TGFBRAP1: variants seen among roughly 807,000 people sequenced by gnomAD.
TGFBRAP1 encodes transforming growth factor beta receptor associated protein 1, also known as transforming growth factor-beta receptor-associated protein 1.
TGFBRAP1 carries 20 observed loss-of-function variants against 83.2 expected under a neutral mutation model. That is an observed-to-expected ratio of 0.24 (90% CI 0.17 to 0.35). The LOEUF (loss-of-function observed/expected upper bound fraction) is 0.35. Ranked by LOEUF, TGFBRAP1 falls within the 10% of genes least tolerant of loss-of-function variation. The pLI, the probability that TGFBRAP1 is intolerant of heterozygous loss-of-function variation, is 1.00. For synonymous variants in TGFBRAP1, 415 were observed against 459.8 expected, an observed-to-expected ratio of 0.90 and a Z score of 1.25; for missense variants, 950 against 1,099.4, an observed-to-expected ratio of 0.86 and a Z score of 1.92.
intron 4 of TGFBRAP1, among the ~76,000 whole-genome samples, chr2:105,293,360 T>G (rs11687444): frequency 2.9e-4 from 44 of 152,360 alleles, no homozygotes; most frequent in Middle Eastern, 3.4e-3. Flanking sequence ...AAGGCTTGCT[T>G]TCTAAAGTTC....
At chr2:105,284,987 G>T (rs1438869399) in intron 4 of TGFBRAP1, among the ~76,000 whole-genome samples, 15 of 152,148 alleles carry the variant, frequency 9.9e-5, no homozygotes. Context: ...CTTTGTTCTT[G>T]TTACATCCAG....
intron 1 of TGFBRAP1, among the ~76,000 whole-genome samples, chr2:105,312,942 C>T (rs2576756): frequency 0.55 from 83,247 of 151,628 alleles, 23,563 homozygotes; most frequent in East Asian, 0.73. Flanking sequence ...TGAAACCTTG[C>T]TTCTACTAAA....
At chr2:105,310,853 A>G (rs949078388) in intron 1 of TGFBRAP1, among the ~76,000 whole-genome samples, 14 of 152,204 alleles carry the variant, frequency 9.2e-5, no homozygotes, top group African/African-American at 3.4e-4. Flanking sequence ...TGATTAATCA[A>G]TCAGGGTTGT....
At chr2:105,293,555 C>G (rs1055310044) in intron 4 of TGFBRAP1, among the ~76,000 whole-genome samples, 4 of 152,212 alleles carry the variant, frequency 2.6e-5, no homozygotes, top group African/African-American at 7.2e-5. Context: ...CCTCTCCCTT[C>G]CTGGTTTCTC....
chr2:105,271,827 G>A (rs1025547378), intron 10 of TGFBRAP1, among the ~76,000 whole-genome samples: 4 of 152,178 alleles, frequency 2.6e-5, no homozygotes, highest in African/African-American at 7.2e-5. Flanking sequence ...GGTCATTTAC[G>A]ACAAGCACAG....
At position 105,280,619 on chromosome 2, in the gene TGFBRAP1, T is replaced by C. The variant is rs771291315; in HGVS notation, c.1226A>G (p.Asp409Gly). Residue 409 changes from aspartate (D) to glycine (G), a missense_variant, in exon 6 of 12, where the codon GAC (aspartate) becomes GGC (glycine). Transcript: ENST00000393359. ...RSHPPLHEYADLNQLTQGDQE... is the reference protein window; with the variant it reads ...RSHPPLHEYAGLNQLTQGDQE... Reference sequence around the variant, plus strand: ...GTCCCCCTGGGTCAGCTGGTTCAGGTCTGCGTACTCATGAAGAGGAGGGTG... The same window carrying C: ...GTCCCCCTGGGTCAGCTGGTTCAGGCCTGCGTACTCATGAAGAGGAGGGTG... 9.3e-6 allele frequency: 15 copies of C among 1,614,068 alleles called. No individual in the cohort carries two copies. The highest frequency in any genetic ancestry group is 1.3e-5 in the Non-Finnish European group (15 of 1,179,998).
Position 105,265,527 on chromosome 2 carries a change from A to AG in TGFBRAP1, c.*1855dup, listed in dbSNP as rs1676899860. The stretch of plus-strand genomic sequence containing the variant: ...AAGATTTTACCCATTTTGTGTACAG[A>AG]GAAATAAGCTTTTAATGGCGCAATG... On this transcript the variant is annotated 3_prime_UTR_variant, in exon 12 of 12. Coordinates refer to ENST00000393359, the MANE Select transcript of TGFBRAP1 (RefSeq NM_004257.6). 6.6e-6 allele frequency: 1 copy of AG among 152,630 alleles called. No homozygotes were observed. 9.5% of individuals were successfully genotyped at this position (152,630 alleles called of 1,614,324 possible). A position where few individuals can be genotyped will look rare whatever the true frequency, so the allele number is the denominator to read the frequency against.
intron 4 of TGFBRAP1, among the ~76,000 whole-genome samples, chr2:105,286,106 C>T (rs764966612): frequency 6.6e-6 from 1 of 152,154 alleles, no homozygotes; most frequent in South Asian, 2.1e-4. Context: ...AAATGGCATC[C>T]GCTCTTCCTC....
intron 2 of TGFBRAP1, among the ~76,000 whole-genome samples, chr2:105,299,963 T>C (rs1311528283): frequency 1.3e-5 from 2 of 152,214 alleles, no homozygotes; most frequent in Admixed American, 6.5e-5. Flanking sequence ...ATTGTTTCTG[T>C]AGTGCTGCAG....
chr2:105,278,899 A>C (rs756619270), intron 6 of TGFBRAP1, among the ~76,000 whole-genome samples: 5 of 152,072 alleles, frequency 3.3e-5, no homozygotes, highest in Admixed American at 6.5e-5. Context: ...CACTGATTCC[A>C]TAGCATATCC....
rs75132821 is a variant in TGFBRAP1 at position 105,288,737 on chromosome 2, G to A, written c.1039-4339C>T. On this transcript the variant is annotated intron_variant, in intron 4 of 11. Coordinates refer to ENST00000393359, the MANE Select transcript of TGFBRAP1 (RefSeq NM_004257.6). ...TTGTCTAAACAGAAACATCTTTCCC[G>A]AAATATATTAGGTGGAACATGAGGA... is the stretch of plus-strand genomic sequence containing the variant. Among the ~76,000 whole-genome samples the A allele has an allele frequency of 9.9e-3, 1,511 of 152,114 alleles. 33 individuals are homozygous for A. Among genetic ancestry groups the A allele is most frequent in the African/African-American group, 0.035 (1,456 of 41,500 alleles).
At chr2:105,314,401 C>T (rs1011168766) in intron 1 of TGFBRAP1, among the ~76,000 whole-genome samples, 28 of 151,748 alleles carry the variant, frequency 1.8e-4, no homozygotes, top group South Asian at 4.2e-4. Flanking sequence ...CAGGCGCCTG[C>T]CACCACGCCT....
chr2:105,288,317 C>G (rs1005287548), intron 4 of TGFBRAP1, among the ~76,000 whole-genome samples: 1 of 152,210 alleles, frequency 6.6e-6, no homozygotes, highest in Non-Finnish European at 1.5e-5. Context: ...CTGAGGACAG[C>G]ACGAGCAGGC....
chr2:105,314,587 T>C (rs1678793268), intron 1 of TGFBRAP1, among the ~76,000 whole-genome samples: 1 of 151,936 alleles, frequency 6.6e-6, no homozygotes. Context: ...TAGAAAGTAA[T>C]ACACGATCTC....
intron 1 of TGFBRAP1, among the ~76,000 whole-genome samples, chr2:105,311,542 A>G (rs1678693910): frequency 6.6e-6 from 1 of 151,860 alleles, no homozygotes; most frequent in Admixed American, 6.6e-5. Flanking sequence ...CCATGATTGC[A>G]CCACCGCTCT....
chr2:105,270,938 C>T (rs1286463861), intron 10 of TGFBRAP1, among the ~76,000 whole-genome samples: 3 of 152,264 alleles, frequency 2.0e-5, no homozygotes, highest in African/African-American at 4.8e-5. Flanking sequence ...CTTCCCTAGA[C>T]TGACATTTCC....
intron 4 of TGFBRAP1, among the ~76,000 whole-genome samples, chr2:105,287,479 C>T (rs1677759621): frequency 6.6e-6 from 1 of 152,126 alleles, no homozygotes; most frequent in Non-Finnish European, 1.5e-5. Context: ...GTGGTGGAGG[C>T]TGAGGTGAAA....
In TGFBRAP1 at chr2:105,280,560, T is replaced by A; in HGVS notation, c.1285A>T (p.Met429Leu). Reference sequence around the variant, plus strand: ...CTGCGGACCTCGTTCAGGTAGCTCATGAGGAAGCGTTTGCACTTGGCCATC... The same window carrying A: ...CTGCGGACCTCGTTCAGGTAGCTCAAGAGGAAGCGTTTGCACTTGGCCATC... ...EKMAKCKRFL[M>L]SYLNEVRSTE... Residue 429 changes from methionine to leucine, a missense_variant, in exon 6 of 12, where the codon ATG becomes TTG. By Grantham distance (15) the Met-to-Leu change is conservative. Coordinates refer to ENST00000393359, the MANE Select transcript of TGFBRAP1 (RefSeq NM_004257.6). 6.2e-7 allele frequency: 1 copy of A among 1,614,074 alleles called. No homozygotes were observed. Among genetic ancestry groups the A allele is most frequent in the Non-Finnish European group, 8.5e-7 (1 of 1,179,992 alleles).
intron 11 of TGFBRAP1, chr2:105,267,875 T>C (rs1676998483): frequency 1.0e-6 from 1 of 985,326 alleles, no homozygotes; most frequent in African/African-American, 1.7e-5. Context: ...GCAAGGCCTG[T>C]TAGAAAGTCA....
Sources: gnomAD v4.1 joint callset for allele counts (sites outside exome capture counted in the v4.1 genomes callset) on GRCh38, gnomAD v4.1.1 for gene constraint, MANE v1.5 for transcripts, NCBI Gene and HGNC (gene_info 2026-07-23, HGNC 2026-07-21) for gene names.